NEBL: variants seen among roughly 807,000 people sequenced by gnomAD.
The protein encoded by NEBL is LIM and SH3 protein 2.
A neutral mutation model predicts 140.2 loss-of-function variants in NEBL; 122 were observed. The ratio of observed to expected loss-of-function variants is 0.87; its 90% CI spans 0.75 to 1.01. The LOEUF (loss-of-function observed/expected upper bound fraction) is 1.01. NEBL is among the 50% of genes least tolerant of loss of function. The pLI, the probability that NEBL is intolerant of heterozygous loss-of-function variation, is 0.00. For synonymous variants in NEBL, 436 were observed against 398.9 expected, an observed-to-expected ratio of 1.09 and a Z score of -1.11; for missense variants, 1,365 against 1,231.3, an observed-to-expected ratio of 1.11 and a Z score of -1.62.
chr10:20,900,275 A>C (rs187433373), upstream of NEBL, among the ~76,000 whole-genome samples: 364 of 152,362 alleles, frequency 2.4e-3, no homozygotes, highest in Non-Finnish European at 3.0e-3. Context: ...CTAAACTCTC[A>C]AAGTCCAGGT....
intron 4 of NEBL, among the ~76,000 whole-genome samples, chr10:20,884,514 G>T (rs1846297675): frequency 6.6e-6 from 1 of 152,176 alleles, no homozygotes; most frequent in African/African-American, 2.4e-5. Flanking sequence ...TAATGGCTTT[G>T]CCTCTGAAAA....
At chr10:21,275,807 ATTTTTTTT>A (rs959684198) in intron 1 of NEBL, among the ~76,000 whole-genome samples, 5 of 113,804 alleles carry the variant, frequency 4.4e-5, no homozygotes, top group African/African-American at 1.4e-4. Flanking sequence ...CACCCAGCTA[ATTTTTTTT>A]TTTTTTTTTT....
intron 1 of NEBL, among the ~76,000 whole-genome samples, chr10:21,256,911 G>A (rs1292734398): frequency 6.6e-6 from 1 of 152,184 alleles, no homozygotes; most frequent in Non-Finnish European, 1.5e-5. Context: ...CTATGCTGTT[G>A]AGGTTTTGTA....
At chr10:20,802,715 T>C (rs114167085) in intron 26 of NEBL, among the ~76,000 whole-genome samples, 1,820 of 152,310 alleles carry the variant, frequency 0.012, 37 homozygotes, top group African/African-American at 0.04. Context: ...ATGAGTTGAT[T>C]GTTCAACCCT....
chr10:21,229,474 A>C (rs1479411644), intron 3 of NEBL, among the ~76,000 whole-genome samples: 2 of 152,162 alleles, frequency 1.3e-5, no homozygotes, highest in Non-Finnish European at 2.9e-5. Flanking sequence ...ATTTGGAATA[A>C]TGTTTAAAAA....
chr10:21,146,408 CA>C, intron 2 of NEBL: 1 of 1,604,064 alleles, frequency 6.2e-7, no homozygotes, highest in African/African-American at 1.4e-5. Flanking sequence ...TAGTAAAGCA[CA>C]AACACTCTCT....
At chr10:20,793,556 T>C (rs1836212930) in intron 26 of NEBL, among the ~76,000 whole-genome samples, 1 of 150,058 alleles carries the variant, frequency 6.7e-6, no homozygotes, top group Non-Finnish European at 1.5e-5. Context: ...TTCTTTCTTT[T>C]CTTTTTTTTT....
At chr10:21,189,592 G>A (rs1413720555) in intron 3 of NEBL, among the ~76,000 whole-genome samples, 1 of 152,176 alleles carries the variant, frequency 6.6e-6, no homozygotes, top group Non-Finnish European at 1.5e-5. Context: ...AGCCTCCCGA[G>A]TAGCTGGGAC....
intron 2 of NEBL, among the ~76,000 whole-genome samples, chr10:21,026,645 G>A (rs1329832494): frequency 6.6e-6 from 1 of 152,150 alleles, no homozygotes; most frequent in African/African-American, 2.4e-5. Context: ...CAAACTAGAG[G>A]ATCTGAGAGC....
In NEBL at chr10:21,169,049, C is replaced by CAAAAAAAA. The variant is rs147147865; in HGVS notation, c.164+3326_164+3333dup. 1.0e-3 allele frequency among the ~76,000 whole-genome samples: 26 copies of CAAAAAAAA among 25,520 alleles called. 1 individual carries two copies. Among genetic ancestry groups the CAAAAAAAA allele is most frequent in the African/African-American group, 3.5e-3 (24 of 6,952 alleles). The allele number at this position is 25,520 out of a possible 152,430, so 16.7% of individuals were successfully genotyped here. A position where few individuals can be genotyped will look rare whatever the true frequency, so the allele number is the denominator to read the frequency against. Reference sequence around the variant, plus strand: ...GCGCTACAGAGTGAGACTCCGTCTACAAAAAAAAAAAAAAAAAAATATATA... The same window carrying CAAAAAAAA: ...GCGCTACAGAGTGAGACTCCGTCTACAAAAAAAAAAAAAAAAAAAAAAAAAAATATATA... On this transcript the variant is annotated intron_variant, in intron 2 of 6. Transcript: ENST00000417816.
intron 2 of NEBL, among the ~76,000 whole-genome samples, chr10:21,054,661 A>AT (rs1390712340): frequency 6.6e-6 from 1 of 152,180 alleles, no homozygotes; most frequent in Non-Finnish European, 1.5e-5. Flanking sequence ...GCACAAATGT[A>AT]TTTTTTCCAA....
At chr10:20,971,662 G>T (rs1275131683) in intron 3 of NEBL, among the ~76,000 whole-genome samples, 2 of 133,150 alleles carry the variant, frequency 1.5e-5, no homozygotes, top group Non-Finnish European at 1.5e-5. Context: ...CACCCAGGCT[G>T]GTGTGCAGTG....
intron 26 of NEBL, among the ~76,000 whole-genome samples, chr10:20,807,416 A>C (rs1223757506): frequency 6.6e-6 from 1 of 152,200 alleles, no homozygotes; most frequent in Non-Finnish European, 1.5e-5. Context: ...CCCACAATAA[A>C]ACAACCAGTT....
At chr10:21,256,204 A>T (rs1380012886) in intron 1 of NEBL, among the ~76,000 whole-genome samples, 1 of 151,964 alleles carries the variant, frequency 6.6e-6, no homozygotes, top group Non-Finnish European at 1.5e-5. Flanking sequence ...AGTAGCTGGG[A>T]TTACACACAC....
intron 3 of NEBL, among the ~76,000 whole-genome samples, chr10:20,987,791 C>A (rs191569714): frequency 6.6e-6 from 1 of 152,336 alleles, no homozygotes; most frequent in African/African-American, 2.4e-5. Context: ...AGGGCTCCTT[C>A]TGTACCAGCA....
chr10:21,224,064 G>A (rs906815740), intron 3 of NEBL, among the ~76,000 whole-genome samples: 2 of 152,096 alleles, frequency 1.3e-5, no homozygotes, highest in African/African-American at 4.8e-5. Context: ...TTTTGCTTTG[G>A]TTGCCAGTGC....
chr10:20,833,749 C>A (rs375916508), intron 14 of NEBL, among the ~76,000 whole-genome samples: 3 of 149,680 alleles, frequency 2.0e-5, no homozygotes, highest in South Asian at 4.3e-4. Context: ...GAGCGAGACT[C>A]CGTCTCAAAA....
intron 1 of NEBL, among the ~76,000 whole-genome samples, chr10:21,257,803 T>A (rs1842679282): frequency 6.6e-6 from 1 of 151,136 alleles, no homozygotes; most frequent in Non-Finnish European, 1.5e-5. Context: ...GAGAATGGCG[T>A]GAAACCAGGA....
intron 2 of NEBL, among the ~76,000 whole-genome samples, chr10:21,105,055 A>G (rs1370471558): frequency 6.6e-6 from 1 of 152,174 alleles, no homozygotes; most frequent in Non-Finnish European, 1.5e-5. Flanking sequence ...GCCAACCCTG[A>G]ATTCTTGGAA....
Sources: allele counts gnomAD v4.1 joint callset (sites outside exome capture counted in the v4.1 genomes callset), GRCh38; gene constraint gnomAD v4.1.1; transcripts MANE v1.5; gene names NCBI Gene and HGNC (gene_info 2026-07-23, HGNC 2026-07-21).